Variants in DIS3L2 observed in about 807,000 individuals in gnomAD.
DIS3L2 encodes the protein DIS3-like exonuclease 2.
Under a neutral mutation model 97.5 loss-of-function variants are expected in DIS3L2, and 34 were observed. The observed-to-expected ratio is 0.35, with a 90% CI of 0.27 to 0.46. The LOEUF is 0.46. Among genes scored for constraint, DIS3L2 ranks in the 20% least tolerant of loss-of-function variants. The pLI is 1.00. For missense variants in DIS3L2, 1,038 were observed against 1,146.0 expected, an observed-to-expected ratio of 0.91 and a Z score of 1.36; for synonymous variants, 435 against 445.2, an observed-to-expected ratio of 0.98 and a Z score of 0.29.
intron 5 of DIS3L2, among the ~76,000 whole-genome samples, chr2:232,060,135 G>A (rs1695663377): frequency 6.6e-6 from 1 of 151,968 alleles, no homozygotes; most frequent in Non-Finnish European, 1.5e-5. Flanking sequence ...TCCATTTTGT[G>A]GGTTGTCTCC....
At chr2:232,220,984 C>A (rs1281986381) in intron 10 of DIS3L2, among the ~76,000 whole-genome samples, 2 of 151,544 alleles carry the variant, frequency 1.3e-5, no homozygotes, top group Non-Finnish European at 2.9e-5. Context: ...TACCTGTAGT[C>A]CCAGCTACTC....
intron 4 of DIS3L2, 71 bp from the exon 5 acceptor site, chr2:232,029,908 A>C: frequency 8.9e-7 from 1 of 1,121,426 alleles, no homozygotes. Context: ...TCAGTTATGA[A>C]AGCAGGCAAT....
chr2:232,272,734 A>T (rs1486927200), intron 13 of DIS3L2, among the ~76,000 whole-genome samples: 1 of 152,228 alleles, frequency 6.6e-6, no homozygotes, highest in African/African-American at 2.4e-5. Flanking sequence ...GAGAGCAGAA[A>T]GTAGCCAGAG....
At chr2:232,218,130 G>A (rs1692392978) in intron 10 of DIS3L2, among the ~76,000 whole-genome samples, 1 of 152,218 alleles carries the variant, frequency 6.6e-6, no homozygotes, top group African/African-American at 2.4e-5. Context: ...AGAAGCGGGT[G>A]AAAGGAGGGC....
At chr2:232,043,793 G>C (rs1015066320) in intron 5 of DIS3L2, among the ~76,000 whole-genome samples, 3 of 152,186 alleles carry the variant, frequency 2.0e-5, no homozygotes, top group Non-Finnish European at 4.4e-5. Context: ...CATTTACTTG[G>C]TAATATTTAT....
intron 6 of DIS3L2, among the ~76,000 whole-genome samples, chr2:232,125,659 A>G (rs1698044506): frequency 2.0e-5 from 3 of 152,180 alleles, no homozygotes; most frequent in African/African-American, 7.2e-5. Flanking sequence ...TCAGAGTGAA[A>G]TTTGCTTAGG....
chr2:232,001,571 T>A (rs1693907454), intron 1 of DIS3L2, among the ~76,000 whole-genome samples: 4 of 148,660 alleles, frequency 2.7e-5, no homozygotes, highest in Admixed American at 6.7e-5. Context: ...TTTTTTTTTT[T>A]TTTTTTTTTG....
At chr2:232,280,574 A>G (rs981734299) in intron 13 of DIS3L2, among the ~76,000 whole-genome samples, 2 of 152,228 alleles carry the variant, frequency 1.3e-5, no homozygotes, top group Non-Finnish European at 2.9e-5. Context: ...GCAGCTTGCT[A>G]GTTATGACTG....
chr2:232,198,143 G>A (rs375733905), intron 9 of DIS3L2, among the ~76,000 whole-genome samples: 24 of 151,978 alleles, frequency 1.6e-4, no homozygotes, highest in Non-Finnish European at 2.2e-4. Flanking sequence ...TACTTAATCC[G>A]TCTGGGCCTC....
intron 10 of DIS3L2, among the ~76,000 whole-genome samples, chr2:232,215,736 G>A (rs1202670212): frequency 6.6e-6 from 1 of 152,190 alleles, no homozygotes. Context: ...AAATTCTTGT[G>A]TCCCCCTGTG....
At chr2:232,047,278 AGT>A (rs1435592996) in intron 5 of DIS3L2, among the ~76,000 whole-genome samples, 4 of 152,254 alleles carry the variant, frequency 2.6e-5, no homozygotes, top group African/African-American at 9.6e-5. Flanking sequence ...ATCATAGACT[AGT>A]GCATCAGGTG....
intron 5 of DIS3L2, among the ~76,000 whole-genome samples, chr2:232,057,653 C>A (rs967093996): frequency 5.9e-5 from 9 of 152,144 alleles, no homozygotes; most frequent in African/African-American, 2.2e-4. Flanking sequence ...GATGAGATAG[C>A]AGCCCCAGCT....
intron 6 of DIS3L2, among the ~76,000 whole-genome samples, chr2:232,094,367 T>C (rs1443572952): frequency 6.6e-6 from 1 of 152,078 alleles, no homozygotes; most frequent in Non-Finnish European, 1.5e-5. Context: ...GCCAGCTCTT[T>C]CTTTGTTGAT....
intron 6 of DIS3L2, among the ~76,000 whole-genome samples, chr2:232,095,351 A>G (rs185827495): frequency 1.3e-5 from 2 of 152,286 alleles, no homozygotes; most frequent in East Asian, 3.9e-4. Flanking sequence ...TACAATCAGT[A>G]TTACAGATGC....
chr2:232,289,376 G>A (rs550013990), intron 13 of DIS3L2, among the ~76,000 whole-genome samples: 22 of 151,858 alleles, frequency 1.4e-4, no homozygotes, highest in Non-Finnish European at 2.9e-4. Context: ...GGGTTCAAGC[G>A]ATTCTCCTGC....
intron 11 of DIS3L2, 138 bp downstream of exon 11, chr2:232,238,783 A>G (rs1693003870): frequency 1.4e-6 from 1 of 713,960 alleles, no homozygotes; most frequent in African/African-American, 1.8e-5. Flanking sequence ...CTGAGGCCTC[A>G]TCCCAGAGTG....
intron 5 of DIS3L2, among the ~76,000 whole-genome samples, chr2:232,056,514 G>A (rs181583903): frequency 2.3e-4 from 35 of 152,190 alleles, no homozygotes; most frequent in Admixed American, 1.2e-3. Flanking sequence ...GAAGATGTAT[G>A]CAACCAGATA....
At chr2:232,113,530 T>G (rs1480681039) in intron 6 of DIS3L2, among the ~76,000 whole-genome samples, 1 of 152,216 alleles carries the variant, frequency 6.6e-6, no homozygotes, top group African/African-American at 2.4e-5. Context: ...ATGCCTCTGA[T>G]AGCAGGAAGA....
chr2:232,255,901 A>T (rs1693549261), intron 12 of DIS3L2, among the ~76,000 whole-genome samples: 1 of 152,188 alleles, frequency 6.6e-6, no homozygotes, highest in Non-Finnish European at 1.5e-5. Flanking sequence ...CCAGTGTGTC[A>T]TCGCTGCTTT....
Sources: gnomAD v4.1 joint callset for allele counts (sites outside exome capture counted in the v4.1 genomes callset) on GRCh38, gnomAD v4.1.1 for gene constraint, MANE v1.5 for transcripts, NCBI Gene and HGNC (gene_info 2026-07-23, HGNC 2026-07-21) for gene names.